WDR3: variants seen among roughly 807,000 people sequenced by gnomAD.
The protein encoded by WDR3 is WD repeat-containing protein 3.
WDR3 carries 81 observed loss-of-function variants against 123.7 expected under a neutral mutation model. That is an observed-to-expected ratio of 0.65 (90% CI 0.55 to 0.79). WDR3 has a LOEUF of 0.79. WDR3 is among the 30% of genes least tolerant of loss of function. WDR3 has a pLI of 0.00. For missense variants in WDR3, 1,027 were observed against 1,123.2 expected, an observed-to-expected ratio of 0.91 and a Z score of 1.22; for synonymous variants, 390 against 388.8, an observed-to-expected ratio of 1.00 and a Z score of -0.04.
rs955865630 is a variant in WDR3, at chr1:117,950,880, A to C, written c.1793A>C (p.Asp598Ala). The C allele has an allele frequency of 6.8e-6, 11 of 1,608,846 alleles. No homozygotes were observed. Among genetic ancestry groups the C allele is most frequent in the Middle Eastern group, 1.7e-4 (1 of 5,972 alleles). ...YGHKLPVICM[D>A]ISHDGALIAT... ...CACAAACTGCCTGTTATATGCATGGACATCTCTCATGTAAGTAGTTTAAAT... is the reference window on the plus strand; with the variant it reads ...CACAAACTGCCTGTTATATGCATGGCCATCTCTCATGTAAGTAGTTTAAAT... The change falls in exon 16 of 27, where the codon GAC becomes GCC. Residue 598 changes from aspartate (D) to alanine (A), a missense_variant. Transcript: ENST00000349139.
Position 117,957,777 on chromosome 1 carries a change from G to T in WDR3, c.2582+581G>T, listed in dbSNP as rs1652435400. ...ACGGTTCTTCCAGTGTGGCCCAGGG[G>T]AGCCAAAAGGATGGACATTCCTGTT... On this transcript the variant is annotated intron_variant, in intron 25 of 26. Coordinates refer to ENST00000349139, the MANE Select transcript of WDR3 (RefSeq NM_006784.3). 2.6e-5 allele frequency among the ~76,000 whole-genome samples: 4 copies of T among 152,174 alleles called. 1 individual carries two copies. In the South Asian group the frequency reaches 6.2e-4, roughly 24 times the overall value.
At chr1:117,950,580 A>G (rs778165056) in intron 15 of WDR3, among the ~76,000 whole-genome samples, 1 of 152,146 alleles carries the variant, frequency 6.6e-6, no homozygotes, top group Admixed American at 6.6e-5. Context: ...GAGGAGATAC[A>G]GAGATCTGAC....
intron 1 of WDR3, among the ~76,000 whole-genome samples, chr1:117,932,461 T>C (rs1175296323): frequency 6.6e-6 from 1 of 152,230 alleles, no homozygotes; most frequent in Non-Finnish European, 1.5e-5. Flanking sequence ...CTAGCAATGT[T>C]TTCATAAGCC....
chr1:117,941,061 G>GT (rs1396453699), intron 7 of WDR3, 63 bp from the exon 8 acceptor site: 27 of 1,596,238 alleles, frequency 1.7e-5, no homozygotes, highest in East Asian at 2.2e-5. Context: ...TTAGAATTAT[G>GT]TTTTTTTCAG....
At position 117,959,004 on chromosome 1, in the gene WDR3, G is replaced by A. The variant is rs368052262; in HGVS notation, c.2676+1G>A. The A allele has an allele frequency of 2.5e-6, 4 of 1,613,396 alleles. No homozygotes were observed. The highest frequency in any genetic ancestry group is 1.3e-5 in the African/African-American group (1 of 74,864). Reference sequence around the variant, plus strand: ...TATTTCAAAAGTCAGCCAAGTCCGGGTAAGTGTCTTTGTATAGAGATAAAA... The same window carrying A: ...TATTTCAAAAGTCAGCCAAGTCCGGATAAGTGTCTTTGTATAGAGATAAAA... On this transcript the variant is annotated splice_donor_variant, in intron 26 of 26. Coordinates refer to ENST00000349139, the MANE Select transcript of WDR3 (RefSeq NM_006784.3). LOFTEE classifies it high-confidence loss of function.
rs1468318411 is a variant in WDR3, at chr1:117,963,714, T to A, written c.*4267T>A. ...GCCAGGTGGCTTATAGGTTTCTGAC[T>A]ATAAGAAGAGGGGAAGAAACCTGGG... On this transcript the variant is annotated 3_prime_UTR_variant, in exon 27 of 27. Transcript: ENST00000349139. 7.6e-7 allele frequency: 1 copy of A among 1,311,900 alleles called. No homozygotes were observed. The highest frequency in any genetic ancestry group is 2.4e-5 in the East Asian group (1 of 41,298). The allele number at this position is 1,311,900 out of a possible 1,614,324, so 81.3% of individuals were successfully genotyped here.
chr1:117,959,330 CAA>C lies in WDR3; in HGVS notation c.2716_2717del (p.Lys906GlufsTer8). The C allele has an allele frequency of 1.9e-6, 3 of 1,613,690 alleles. No homozygotes were observed. Among genetic ancestry groups the C allele is most frequent in the Non-Finnish European group, 2.5e-6 (3 of 1,179,848 alleles). On this transcript the variant is annotated frameshift_variant, in exon 27 of 27. Transcript: ENST00000349139. LOFTEE classifies it high-confidence loss of function. ...TCAATATGGCTGGTCTTGATTATCT[CAA>C]GAGGGAATGCGAGGCAAAAAGTGAA... Reference protein sequence around the residue: ...GFNMAGLDYLKRECEAKSEVM... With the variant: ...GFNMAGLDYLXRECEAKSEVM...
intron 4 of WDR3, among the ~76,000 whole-genome samples, chr1:117,937,976 G>A (rs1651004182): frequency 6.6e-6 from 1 of 152,204 alleles, no homozygotes; most frequent in Non-Finnish European, 1.5e-5. Flanking sequence ...AATGGACAAA[G>A]AGACCAAATG....
In WDR3 at chr1:117,957,412, A is replaced by C. The variant is rs541478695; in HGVS notation, c.2582+216A>C. 9.5e-4 allele frequency among the ~76,000 whole-genome samples: 144 copies of C among 151,834 alleles called. 1 individual carries two copies. Among genetic ancestry groups the C allele is most frequent in the Admixed American group, 5.6e-3 (86 of 15,292 alleles). On this transcript the variant is annotated intron_variant, in intron 25 of 26. Transcript: ENST00000349139. ...AGCAATCAGTCTTGCCTTTAAAACA[A>C]GGATCATGATGACCCACCTCTTTAA...
Position 117,942,509 on chromosome 1 carries a change from G to T in WDR3, c.1062G>T (p.Gln354His). The T allele has an allele frequency of 6.2e-7, 1 of 1,613,954 alleles. No homozygotes were observed. Among genetic ancestry groups the T allele is most frequent in the Non-Finnish European group, 8.5e-7 (1 of 1,179,922 alleles). Residue 354 changes from glutamine to histidine, a missense_variant, in exon 10 of 27, where the codon CAG (glutamine) becomes CAT (histidine). Gln to His is a conservative substitution (Grantham distance 24). Coordinates refer to ENST00000349139, the MANE Select transcript of WDR3 (RefSeq NM_006784.3). ...AAATGAGTCTGCAAGATGAAATCCA[G>T]CGGGTGACTAATATAAAAACTTCTG... ...NVEMSLQDEI[Q>H]RVTNIKTSAK...
chr1:117,943,077 G>T (rs551127909), intron 10 of WDR3, among the ~76,000 whole-genome samples: 120 of 151,646 alleles, frequency 7.9e-4, no homozygotes, highest in Non-Finnish European at 1.5e-3. Context: ...CTCACCCTCC[G>T]CAGTAACTGG....
rs1333076768 is a variant in WDR3 at position 117,961,420 on chromosome 1, C to G, written c.*1973C>G. Reference sequence around the variant, plus strand: ...TCTAGGAAAAGATATTGACAGATACCTCTGGGTCTGGGCTTTTCTTTTGGG... The same window carrying G: ...TCTAGGAAAAGATATTGACAGATACGTCTGGGTCTGGGCTTTTCTTTTGGG... On this transcript the variant is annotated 3_prime_UTR_variant, in exon 27 of 27. Coordinates refer to ENST00000349139, the MANE Select transcript of WDR3 (RefSeq NM_006784.3). 6.6e-6 allele frequency: 1 copy of G among 152,112 alleles called. No individual in the cohort carries two copies. The highest frequency in any genetic ancestry group is 2.4e-5 in the African/African-American group (1 of 41,430). 9.4% of individuals were successfully genotyped at this position (152,112 alleles called of 1,614,324 possible).
intron 12 of WDR3, among the ~76,000 whole-genome samples, chr1:117,947,120 G>T (rs1651437886): frequency 6.6e-6 from 1 of 152,002 alleles, no homozygotes. Context: ...TAGCCTTGGT[G>T]TTCTCGTGGA....
At chr1:117,940,512 CCA>C (rs1651106421) in intron 6 of WDR3, among the ~76,000 whole-genome samples, 2 of 152,030 alleles carry the variant, frequency 1.3e-5, no homozygotes, top group African/African-American at 4.8e-5. Context: ...TCACTTGAGT[CCA>C]CACACACGTT....
chr1:117,934,964 A>C (rs1650862649), intron 3 of WDR3, among the ~76,000 whole-genome samples: 1 of 152,268 alleles, frequency 6.6e-6, no homozygotes, highest in Non-Finnish European at 1.5e-5. Flanking sequence ...CAGTAAAATA[A>C]GGAAAGAAAA....
rs72631707 is a variant in WDR3, at chr1:117,951,252, G to T, written c.1803+362G>T. On this transcript the variant is annotated intron_variant, in intron 16 of 26. Coordinates refer to ENST00000349139, the MANE Select transcript of WDR3 (RefSeq NM_006784.3). ...TATTCTGAAGGATAATGCTGCTGAGGAGCTCGGATTTATATTTGGATAGTT... is the reference window on the plus strand; with the variant it reads ...TATTCTGAAGGATAATGCTGCTGAGTAGCTCGGATTTATATTTGGATAGTT... Among the ~76,000 whole-genome samples the T allele has an allele frequency of 0.024, 3,591 of 151,876 alleles. 254 individuals carry two copies. The East Asian group carries it at 0.28, about 12-fold the overall frequency.
chr1:117,949,894 G>A, intron 14 of WDR3, 58 bp downstream of exon 14: 1 of 1,609,470 alleles, frequency 6.2e-7, no homozygotes, highest in Non-Finnish European at 8.5e-7. Flanking sequence ...CTATGGAATG[G>A]CCTTTTGACG....
At position 117,941,122 on chromosome 1, in the gene WDR3, A is replaced by G; in HGVS notation, c.790-2A>G. On this transcript the variant is annotated splice_acceptor_variant, in intron 7 of 26. Coordinates refer to ENST00000349139, the MANE Select transcript of WDR3 (RefSeq NM_006784.3). LOFTEE classifies it high-confidence loss of function. ...CTTCATCTGCTCTTGCTTCTTCTGT[A>G]GCGAATCCTTTCATGCAGAAAAGCT... The G allele has an allele frequency of 6.2e-7, 1 of 1,614,100 alleles. No individual in the cohort carries two copies. Among genetic ancestry groups the G allele is most frequent in the Non-Finnish European group, 8.5e-7 (1 of 1,180,004 alleles).
intron 6 of WDR3, among the ~76,000 whole-genome samples, chr1:117,940,129 T>C (rs1651091183): frequency 6.6e-6 from 1 of 152,232 alleles, no homozygotes; most frequent in Non-Finnish European, 1.5e-5. Context: ...TTGCAATTCC[T>C]AATGCCAATT....
Sources: allele counts gnomAD v4.1 joint callset (sites outside exome capture counted in the v4.1 genomes callset), GRCh38; gene constraint gnomAD v4.1.1; transcripts MANE v1.5; gene names NCBI Gene and HGNC (gene_info 2026-07-23, HGNC 2026-07-21).